The following COL4A2 variants were observed in gnomAD, a reference collection of about 807,000 sequenced individuals.
COL4A2 encodes the protein collagen type IV alpha 2 chain.
Under a neutral mutation model 200.2 loss-of-function variants are expected in COL4A2, and 99 were observed. The ratio of observed to expected loss-of-function variants is 0.49; its 90% confidence interval spans 0.42 to 0.58. The LOEUF is 0.58. Ranked by LOEUF, COL4A2 falls within the 20% of genes least tolerant of loss-of-function variation. The pLI, the probability that COL4A2 is intolerant of heterozygous loss-of-function variation, is 0.00. For missense variants in COL4A2, 1,950 were observed against 2,314.1 expected, an observed-to-expected ratio of 0.84 and a Z score of 3.23; for synonymous variants, 897 against 900.6, an observed-to-expected ratio of 1.00 and a Z score of 0.07.
At chr13:110,432,281 T>G (rs772525462) in intron 10 of COL4A2, 44 bp from the exon 11 acceptor site, 2 of 1,585,612 alleles carry the variant, frequency 1.3e-6, no homozygotes, top group Non-Finnish European at 1.7e-6. Flanking sequence ...ATCTGGGTCC[T>G]GGGGTAAAGA....
rs199678709 is a variant in COL4A2, at chr13:110,482,599, G to A, written c.2842G>A (p.Glu948Lys). 44 of 1,614,024 alleles carry A rather than the reference G, an allele frequency of 2.7e-5. No homozygotes were observed. Among genetic ancestry groups the A allele is most frequent in the East Asian group, 1.3e-4 (6 of 44,878 alleles). ...ACCCGGGTTTCCAGGGAGCAAAGGC[G>A]AGGCTGGATTTTTCGGAATACCCGG... ...GRPGFPGSKG[E>K]AGFFGIPGLK... The change falls in exon 32 of 48, where the codon GAG becomes AAG. Residue 948 changes from glutamate (E) to lysine (K), a missense_variant. By Grantham distance (56) the Glu-to-Lys change is moderately conservative. Around this residue, in one of 2 missense-constraint regions of COL4A2, gnomAD observed 1,385 missense variants for 1,720.5 expected, o/e 0.80. Coordinates refer to ENST00000360467, the MANE Select transcript of COL4A2 (RefSeq NM_001846.4).
intron 3 of COL4A2, among the ~76,000 whole-genome samples, chr13:110,309,017 C>G (rs1002004049): frequency 1.3e-5 from 2 of 152,154 alleles, no homozygotes; most frequent in Admixed American, 1.3e-4. Context: ...CAGCCGGGGC[C>G]CAGGTGGATT....
In COL4A2 at chr13:110,480,485, C is replaced by T. The variant is rs770984295; in HGVS notation, c.2758+95C>T. 5.2e-4 allele frequency: 694 copies of T among 1,334,782 alleles called. 2 individuals are homozygous for T. The highest frequency in any genetic ancestry group is 2.1e-3 in the South Asian group (135 of 64,910). The allele number at this position is 1,334,782 out of a possible 1,614,324, so 82.7% of individuals were successfully genotyped here. ...AGCTCTGCTGGGCGCCTCTGTGGGC[C>T]GTGGGGCTGGCCTCACACTTCTGCA... is the stretch of plus-strand genomic sequence containing the variant. On this transcript the variant is annotated intron_variant, in intron 31 of 47. Coordinates refer to ENST00000360467, the MANE Select transcript of COL4A2 (RefSeq NM_001846.4).
chr13:110,316,159 ATG>A (rs921869238), intron 3 of COL4A2, among the ~76,000 whole-genome samples: 4 of 152,176 alleles, frequency 2.6e-5, no homozygotes, highest in Admixed American at 6.5e-5. Flanking sequence ...TTAGAGAAGA[ATG>A]TGTGTTTTTG....
intron 40 of COL4A2, among the ~76,000 whole-genome samples, chr13:110,496,936 G>A (rs1201916869): frequency 6.7e-6 from 1 of 149,754 alleles, no homozygotes; most frequent in African/African-American, 2.5e-5. Context: ...CCTCAGTCGG[G>A]GTGAAGATCT....
intron 21 of COL4A2, chr13:110,457,972 A>G (rs1881843042): frequency 5.0e-6 from 2 of 396,446 alleles, no homozygotes; most frequent in Non-Finnish European, 1.0e-5. Flanking sequence ...CACCTCAGGG[A>G]CTCTGCCCCT....
intron 4 of COL4A2, among the ~76,000 whole-genome samples, chr13:110,418,412 T>C (rs1043378013): frequency 6.6e-6 from 1 of 152,252 alleles, no homozygotes; most frequent in Non-Finnish European, 1.5e-5. Flanking sequence ...TTGTGTCTTA[T>C]CTAAGAAAGC....
intron 3 of COL4A2, among the ~76,000 whole-genome samples, chr13:110,356,580 T>A (rs1877276230): frequency 6.6e-6 from 1 of 152,132 alleles, no homozygotes; most frequent in African/African-American, 2.4e-5. Flanking sequence ...CCCGCCAGCA[T>A]TTTCTCCAGG....
At position 110,503,942 on chromosome 13, in the gene COL4A2, C is replaced by A. The variant is rs939754886; in HGVS notation, c.4234C>A (p.Pro1412Thr). The A allele has an allele frequency of 6.4e-7, 1 of 1,568,474 alleles. No individual in the cohort carries two copies. The highest frequency in any genetic ancestry group is 8.7e-7 in the Non-Finnish European group (1 of 1,149,798). Residue 1412 changes from proline (P) to threonine (T), a missense_variant, in exon 44 of 48, where the codon CCC (proline) becomes ACC (threonine). Physicochemically the swap from Pro to Thr is conservative, Grantham distance 38 (BLOSUM62 -1). This residue lies in a region of COL4A2 where 1,385 missense variants were observed against 1,720.5 expected (regional missense o/e 0.80). Coordinates refer to ENST00000360467, the MANE Select transcript of COL4A2 (RefSeq NM_001846.4). The stretch of plus-strand genomic sequence containing the variant: ...AGTGGGTCCCCAGGGGAGGCGAGGC[C>A]CCCCTGGGGCACCGGGGGAGATGGG... ...GTVGPQGRRGPPGAPGEMGPQ... is the reference protein window; with the variant it reads ...GTVGPQGRRGTPGAPGEMGPQ...
intron 40 of COL4A2, among the ~76,000 whole-genome samples, chr13:110,498,875 G>A (rs1283570886): frequency 6.6e-6 from 1 of 152,174 alleles, no homozygotes; most frequent in Non-Finnish European, 1.5e-5. Context: ...CCTGGACGGT[G>A]TCCCCGGCTT....
chr13:110,425,755 C>T lies in COL4A2; in HGVS notation c.360+758C>T, dbSNP rs751610366. On this transcript the variant is annotated intron_variant, in intron 6 of 47. Coordinates refer to ENST00000360467, the MANE Select transcript of COL4A2 (RefSeq NM_001846.4). ...GAGGCAGGTTCTGTATCACCACACA[C>T]GCACACGCACAGGGAGAGAGACTCC... Among the ~76,000 whole-genome samples the T allele has an allele frequency of 8.0e-5, 12 of 150,622 alleles. No homozygotes were observed. The East Asian group carries it at 1.2e-3, about 14-fold the overall frequency.
chr13:110,474,497 G>T (rs1255044247), intron 29 of COL4A2, among the ~76,000 whole-genome samples: 1 of 152,168 alleles, frequency 6.6e-6, no homozygotes, highest in Admixed American at 6.5e-5. Flanking sequence ...GCGCCCATGG[G>T]TGCCACAGTT....
chr13:110,312,829 G>A (rs1422119821), intron 3 of COL4A2, among the ~76,000 whole-genome samples: 1 of 152,232 alleles, frequency 6.6e-6, no homozygotes, highest in Non-Finnish European at 1.5e-5. Context: ...TGCTAACCGG[G>A]TTCTGACTTC....
At chr13:110,428,342 G>A in intron 6 of COL4A2, 125 bp from the exon 7 acceptor site, 1 of 642,786 alleles carries the variant, frequency 1.6e-6, no homozygotes, top group Non-Finnish European at 2.8e-6. Context: ...CACTTTTGAG[G>A]TGTCTTTTCC....
intron 4 of COL4A2, among the ~76,000 whole-genome samples, chr13:110,409,060 G>A (rs894292888): frequency 7.4e-6 from 1 of 134,306 alleles, no homozygotes; most frequent in Admixed American, 7.6e-5. Context: ...ATATACACAT[G>A]CACACACACG....
At chr13:110,501,868 A>T (rs1883656730) in intron 41 of COL4A2, 84 bp downstream of exon 41, 1 of 1,348,132 alleles carries the variant, frequency 7.4e-7, no homozygotes, top group Non-Finnish European at 1.0e-6. Context: ...GGGAGAACAG[A>T]CGTTCATTTC....
At chr13:110,507,834 G>A in intron 46 of COL4A2, 101 bp from the exon 47 acceptor site, 1 of 1,268,638 alleles carries the variant, frequency 7.9e-7, no homozygotes, top group Non-Finnish European at 1.1e-6. Flanking sequence ...CAGGTGCCCT[G>A]GGGCGAGTCC....
Position 110,485,798 on chromosome 13 carries a change from C to A in COL4A2, c.3169C>A (p.Pro1057Thr), listed in dbSNP as rs201763437. ...LPGFPGVAGPPGITGFPGFIG... is the reference protein window; with the variant it reads ...LPGFPGVAGPTGITGFPGFIG... ...AGGATTCCCTGGGGTGGCTGGCCCC[C>A]CTGGAATTACGGGATTCCCAGGATT... The change falls in exon 34 of 48, where the codon CCT becomes ACT. Residue 1057 changes from proline to threonine, a missense_variant. By Grantham distance (38) the Pro-to-Thr change is conservative. This residue lies in a region of COL4A2 where 1,385 missense variants were observed against 1,720.5 expected (regional missense o/e 0.80). Coordinates refer to ENST00000360467, the MANE Select transcript of COL4A2 (RefSeq NM_001846.4). The A allele has an allele frequency of 3.3e-5, 54 of 1,613,680 alleles. No individual in the cohort carries two copies. In the East Asian group the frequency reaches 7.1e-4, roughly 21 times the overall value.
At position 110,462,885 on chromosome 13, in the gene COL4A2, C is replaced by T. The variant is rs73619431; in HGVS notation, c.1776+501C>T. On this transcript the variant is annotated intron_variant, in intron 24 of 47. Transcript: ENST00000360467. ...GACCCCTTCCTGTGCACCCTCCAGC[C>T]TCTGAGCCTCTCCTGCCACCACGCC... The T allele has an allele frequency of 4.9e-3, 769 of 156,998 alleles. 12 individuals carry two copies. Among genetic ancestry groups the T allele is most frequent in the African/African-American group, 0.018 (734 of 41,680 alleles). The allele number at this position is 156,998 out of a possible 1,614,324, so 9.7% of individuals were successfully genotyped here. A position where few individuals can be genotyped will look rare whatever the true frequency, so the allele number is the denominator to read the frequency against.
Sources: allele counts gnomAD v4.1 joint callset (sites outside exome capture counted in the v4.1 genomes callset), GRCh38; gene constraint gnomAD v4.1.1; regional missense constraint gnomAD v4.1.1; transcripts MANE v1.5; gene names NCBI Gene and HGNC (gene_info 2026-07-23, HGNC 2026-07-21).